The following GRM5 variants were observed in gnomAD, a reference collection of about 807,000 sequenced individuals.
GRM5 encodes metabotropic glutamate receptor 5.
In GRM5, 19 loss-of-function variants were observed where a neutral mutation model predicts 83.1. The observed-to-expected ratio is 0.23, with a 90% CI of 0.16 to 0.34. The LOEUF (loss-of-function observed/expected upper bound fraction) is 0.34, where lower values mean the gene tolerates loss of function less well. GRM5 is among the 10% of genes least tolerant of loss of function. GRM5 has a pLI of 1.00. For synonymous variants in GRM5, 675 were observed against 633.6 expected, an observed-to-expected ratio of 1.07 and a Z score of -0.98; for missense variants, 1,160 against 1,588.3, an observed-to-expected ratio of 0.73 and a Z score of 4.58.
chr11:88,844,691 C>G (rs1394473197), intron 3 of GRM5, among the ~76,000 whole-genome samples: 1 of 152,200 alleles, frequency 6.6e-6, no homozygotes, highest in African/African-American at 2.4e-5. Flanking sequence ...TCATTAAGAA[C>G]ATTCATGAGT....
At chr11:88,564,877 T>C (rs753799228) in intron 8 of GRM5, among the ~76,000 whole-genome samples, 18 of 151,008 alleles carry the variant, frequency 1.2e-4, no homozygotes, top group Admixed American at 3.3e-4. Flanking sequence ...AAAACTCAGA[T>C]TGTATAATCA....
intron 3 of GRM5, among the ~76,000 whole-genome samples, chr11:88,756,068 A>G (rs1231655145): frequency 2.6e-5 from 4 of 152,176 alleles, no homozygotes; most frequent in Admixed American, 2.6e-4. Context: ...TTCTGTCTCT[A>G]CATTCTACCC....
chr11:88,535,814 A>G (rs1258165461), intron 8 of GRM5, among the ~76,000 whole-genome samples: 1 of 152,198 alleles, frequency 6.6e-6, no homozygotes, highest in Non-Finnish European at 1.5e-5. Flanking sequence ...TAAAGAAGTT[A>G]CTACTAACAA....
At chr11:88,694,621 T>C (rs1211081488) in intron 3 of GRM5, among the ~76,000 whole-genome samples, 1 of 151,874 alleles carries the variant, frequency 6.6e-6, no homozygotes, top group Non-Finnish European at 1.5e-5. Flanking sequence ...AAAAATGATA[T>C]CTCTAATTCT....
chr11:88,935,867 G>T (rs1485937545), intron 2 of GRM5, among the ~76,000 whole-genome samples: 2 of 151,754 alleles, frequency 1.3e-5, no homozygotes, highest in Non-Finnish European at 2.9e-5. Flanking sequence ...AGAGAATATT[G>T]CCTCATTAGT....
chr11:88,625,197 A>T (rs1437828053), intron 4 of GRM5, among the ~76,000 whole-genome samples: 1 of 152,174 alleles, frequency 6.6e-6, no homozygotes, highest in Non-Finnish European at 1.5e-5. Flanking sequence ...AGGGTGCCGA[A>T]GTTCCAGAGA....
chr11:88,635,897 C>T (rs930422805), intron 4 of GRM5, among the ~76,000 whole-genome samples: 22 of 152,156 alleles, frequency 1.4e-4, no homozygotes, highest in Admixed American at 1.2e-3. Flanking sequence ...TATTTTTCCA[C>T]ATGTGGATAT....
chr11:88,812,606 A>T (rs964774873), intron 3 of GRM5, among the ~76,000 whole-genome samples: 1 of 152,144 alleles, frequency 6.6e-6, no homozygotes, highest in Non-Finnish European at 1.5e-5. Context: ...AGAGACAAAA[A>T]TATTTTTCAA....
chr11:88,773,307 T>C (rs556789560), intron 3 of GRM5, among the ~76,000 whole-genome samples: 44 of 152,358 alleles, frequency 2.9e-4, no homozygotes, highest in African/African-American at 9.4e-4. Flanking sequence ...GGCTGTTTTT[T>C]TTCTTGTAAA....
intron 2 of GRM5, among the ~76,000 whole-genome samples, chr11:88,957,504 A>T (rs1938658100): frequency 6.6e-6 from 1 of 152,212 alleles, no homozygotes; most frequent in Admixed American, 6.5e-5. Flanking sequence ...AACAACGGGG[A>T]TGAAGATAAG....
chr11:88,745,132 G>A (rs1942106446), intron 3 of GRM5, among the ~76,000 whole-genome samples: 1 of 151,492 alleles, frequency 6.6e-6, no homozygotes, highest in African/African-American at 2.4e-5. Context: ...CAGGGTTATG[G>A]TCACCCAAAG....
At chr11:89,053,110 A>T (rs566998635) in intron 1 of GRM5, among the ~76,000 whole-genome samples, 2 of 152,278 alleles carry the variant, frequency 1.3e-5, no homozygotes, top group East Asian at 3.9e-4. Context: ...CATCCAAGAG[A>T]TATAGAATCT....
chr11:89,018,644 T>C (rs1389806950), intron 2 of GRM5, among the ~76,000 whole-genome samples: 2 of 152,138 alleles, frequency 1.3e-5, no homozygotes, highest in African/African-American at 2.4e-5. Flanking sequence ...AAAATGGTCA[T>C]ACAATGCAAT....
intron 2 of GRM5, among the ~76,000 whole-genome samples, chr11:89,008,329 AAATTT>A (rs1397436796): frequency 6.6e-6 from 1 of 152,158 alleles, no homozygotes; most frequent in African/African-American, 2.4e-5. Context: ...AAATAAAATT[AAATTT>A]AAGTATGCTC....
At chr11:88,829,361 T>C (rs1232067523) in intron 3 of GRM5, among the ~76,000 whole-genome samples, 1 of 152,100 alleles carries the variant, frequency 6.6e-6, no homozygotes, top group African/African-American at 2.4e-5. Context: ...CTAGGGAGGC[T>C]GAGGCGAGAG....
chr11:88,885,838 A>G (rs767764594), intron 2 of GRM5, among the ~76,000 whole-genome samples: 1 of 152,146 alleles, frequency 6.6e-6, no homozygotes, highest in Non-Finnish European at 1.5e-5. Context: ...GAGGTAGACA[A>G]GTGAGCTGAG....
intron 3 of GRM5, among the ~76,000 whole-genome samples, chr11:88,764,850 C>G (rs1022546282): frequency 1.3e-5 from 2 of 151,096 alleles, no homozygotes; most frequent in African/African-American, 4.8e-5. Flanking sequence ...AAGATTAGAG[C>G]ACATATAACT....
At chr11:89,036,490 T>C (rs767027338) in intron 2 of GRM5, among the ~76,000 whole-genome samples, 5 of 152,238 alleles carry the variant, frequency 3.3e-5, no homozygotes, top group Middle Eastern at 3.4e-3. Flanking sequence ...GCAGGAAAAT[T>C]TAGAAGATAC....
intron 3 of GRM5, among the ~76,000 whole-genome samples, chr11:88,754,397 C>A (rs192594965): frequency 6.6e-6 from 1 of 152,144 alleles, no homozygotes; most frequent in Admixed American, 6.6e-5. Context: ...ATATAACGAA[C>A]CTGCCCATCC....
Sources: gnomAD v4.1 joint callset for allele counts (sites outside exome capture counted in the v4.1 genomes callset) on GRCh38, gnomAD v4.1.1 for gene constraint, MANE v1.5 for transcripts, NCBI Gene and HGNC (gene_info 2026-07-23, HGNC 2026-07-21) for gene names.